Variants in NRXN1 observed in about 807,000 individuals in gnomAD.
The protein encoded by NRXN1 is neurexin 1.
NRXN1 carries 39 observed loss-of-function variants against 150.9 expected under a neutral mutation model. The observed-to-expected ratio is 0.26, with a 90% CI of 0.20 to 0.34. The LOEUF (loss-of-function observed/expected upper bound fraction) is 0.34, where lower values mean the gene tolerates loss of function less well. Ranked by LOEUF, NRXN1 falls within the 10% of genes least tolerant of loss-of-function variation. The probability of loss-of-function intolerance (pLI) is 1.00; values close to 1 mark genes in which losing one functional copy is unlikely to be tolerated. For missense variants in NRXN1, 1,815 were observed against 1,949.9 expected (o/e 0.93, Z 1.30); for synonymous variants, 924 against 757.0 (o/e 1.22, Z -3.62).
chr2:50,514,425 G>A lies in NRXN1; in HGVS notation c.2375-7808C>T, dbSNP rs375426985. ...TCCCATTTAGCTACTCATTTATTCT[G>A]GGTTCCATGGCACCCATATGCTATT... On this transcript the variant is annotated intron_variant, in intron 12 of 22. Coordinates refer to ENST00000401669, the MANE Select transcript of NRXN1 (RefSeq NM_001330078.2). Among the ~76,000 whole-genome samples, 121 of 152,134 alleles carry A rather than the reference G, an allele frequency of 8.0e-4. 1 individual carries two copies. The South Asian group carries it at 0.016, about 20-fold the overall frequency.
intron 5 of NRXN1, among the ~76,000 whole-genome samples, chr2:50,713,207 G>A (rs140331694): frequency 1.6e-3 from 242 of 151,926 alleles, no homozygotes; most frequent in African/African-American, 5.6e-3. Flanking sequence ...TCAGCTGCTT[G>A]TGAGGCTGAA....
At chr2:50,201,682 A>T (rs2062174612) in intron 18 of NRXN1, among the ~76,000 whole-genome samples, 1 of 152,218 alleles carries the variant, frequency 6.6e-6, no homozygotes, top group Non-Finnish European at 1.5e-5. Flanking sequence ...GGCTTAAAAC[A>T]ACCATACACA....
At chr2:50,050,474 A>G (rs1692542567) in intron 21 of NRXN1, among the ~76,000 whole-genome samples, 4 of 152,210 alleles carry the variant, frequency 2.6e-5, no homozygotes, top group Admixed American at 2.6e-4. Context: ...TTTGATTGAG[A>G]AAACAGTCCA....
intron 2 of NRXN1, among the ~76,000 whole-genome samples, chr2:50,964,198 G>A (rs1693679667): frequency 6.6e-6 from 1 of 151,534 alleles, no homozygotes; most frequent in East Asian, 1.9e-4. Context: ...AAACCTTTAT[G>A]CTGTTAATCA....
chr2:50,487,615 G>C (rs1037930484), intron 15 of NRXN1, among the ~76,000 whole-genome samples: 1 of 152,196 alleles, frequency 6.6e-6, no homozygotes, highest in Non-Finnish European at 1.5e-5. Flanking sequence ...CAACTTTCAA[G>C]TCTATTTCCA....
In NRXN1 at chr2:50,346,437, G is replaced by C. The variant is rs925962512; in HGVS notation, c.3365-109467C>G. On this transcript the variant is annotated intron_variant, in intron 17 of 22. Coordinates refer to ENST00000401669, the MANE Select transcript of NRXN1 (RefSeq NM_001330078.2). This position sits in a 1 kb window ranked among gnomAD's most constrained non-coding sequence, Gnocchi z 5.0. ...GCGACCAGGGCTGGTCCTTTAGTAG[G>C]TGTCCACATCTCTCTCCCAGTACCT... 5.9e-5 allele frequency among the ~76,000 whole-genome samples: 9 copies of C among 152,014 alleles called. No homozygotes were observed. The highest frequency in any genetic ancestry group is 2.2e-4 in the African/African-American group (9 of 41,400).
chr2:50,538,522 A>G lies in NRXN1; in HGVS notation c.1874T>C (p.Leu625Pro). 1 of 1,601,636 alleles carries G rather than the reference A, an allele frequency of 6.2e-7. No individual in the cohort carries two copies. Among genetic ancestry groups the G allele is most frequent in the Non-Finnish European group, 8.5e-7 (1 of 1,172,132 alleles). Residue 625 changes from leucine to proline, a missense_variant, in exon 10 of 23, where the codon CTT (leucine) becomes CCT (proline). By Grantham distance (98) the Leu-to-Pro change is moderately conservative. Transcript: ENST00000401669. ...AGTCCACACCTCGGTGGGGAAGACA[A>G]GGCCAGCTTTATTTTCTGGCAGCCC... Reference protein sequence around the residue: ...LGGLPENKAGLVFPTEVWTAL... With the variant: ...LGGLPENKAGPVFPTEVWTAL...
intron 5 of NRXN1, among the ~76,000 whole-genome samples, chr2:50,841,507 C>A (rs1025131052): frequency 2.6e-5 from 4 of 152,186 alleles, no homozygotes; most frequent in African/African-American, 9.7e-5. Context: ...CGTATGTGTG[C>A]ACATTTTGCC....
chr2:50,054,498 A>G (rs1302588125), intron 20 of NRXN1, among the ~76,000 whole-genome samples: 2 of 152,172 alleles, frequency 1.3e-5, no homozygotes, highest in East Asian at 3.9e-4. Flanking sequence ...CTTCATTATG[A>G]CTGGCAATTC....
intron 8 of NRXN1, among the ~76,000 whole-genome samples, chr2:50,566,116 A>C (rs1415768636): frequency 2.0e-5 from 3 of 152,194 alleles, no homozygotes; most frequent in African/African-American, 7.2e-5. Context: ...CTTCAGGCCT[A>C]GCCAACTTGG....
At chr2:50,748,065 C>G (rs1700200566) in intron 5 of NRXN1, among the ~76,000 whole-genome samples, 1 of 152,116 alleles carries the variant, frequency 6.6e-6, no homozygotes, top group African/African-American at 2.4e-5. Context: ...CCTTAGTATT[C>G]AAAACAACAT....
chr2:50,467,694 T>A (rs10205041), intron 16 of NRXN1, among the ~76,000 whole-genome samples: 91,244 of 150,978 alleles, frequency 0.6, 28,062 homozygotes, highest in Middle Eastern at 0.7. Flanking sequence ...TAACAATAAT[T>A]AAAACAAAAA....
chr2:50,922,714 G>C (rs1421360307), intron 3 of NRXN1, 27 bp from the exon 4 acceptor site: 2 of 1,608,424 alleles, frequency 1.2e-6, no homozygotes, highest in Non-Finnish European at 1.7e-6. Flanking sequence ...AGCACAGTCA[G>C]CAATAAACAA....
At chr2:50,846,099 G>A (rs1673613277) in intron 5 of NRXN1, among the ~76,000 whole-genome samples, 1 of 152,190 alleles carries the variant, frequency 6.6e-6, no homozygotes, top group African/African-American at 2.4e-5. Flanking sequence ...AGTAGAGGAG[G>A]TCTGTAGAAT....
chr2:50,052,169 T>C (rs1573621577), intron 21 of NRXN1, among the ~76,000 whole-genome samples: 1 of 152,210 alleles, frequency 6.6e-6, no homozygotes, highest in South Asian at 2.1e-4. Flanking sequence ...CCTTCCAAAC[T>C]GGATGCAGGT....
At chr2:50,182,624 C>T (rs1159239528) in intron 18 of NRXN1, among the ~76,000 whole-genome samples, 2 of 151,912 alleles carry the variant, frequency 1.3e-5, no homozygotes. Context: ...TTTAAGTGGC[C>T]CTGGTTGTCT....
At chr2:50,615,941 A>G (rs1389014652) in intron 8 of NRXN1, 1 of 152,226 alleles carries the variant, frequency 6.6e-6, no homozygotes, top group Non-Finnish European at 1.5e-5. Context: ...AAATAATATA[A>G]ACAAGTATTT....
chr2:50,427,378 AG>A (rs1171582551), intron 17 of NRXN1, among the ~76,000 whole-genome samples: 21 of 151,478 alleles, frequency 1.4e-4, no homozygotes, highest in Non-Finnish European at 2.7e-4. Flanking sequence ...AAAAAAAAAA[AG>A]CCCATAACAT....
chr2:50,184,037 C>T lies in NRXN1; in HGVS notation c.3546+52752G>A, dbSNP rs546794939. Among the ~76,000 whole-genome samples the T allele has an allele frequency of 1.1e-4, 17 of 152,066 alleles. 1 individual carries two copies. Among genetic ancestry groups the T allele is most frequent in the Middle Eastern group, 3.4e-3 (1 of 294 alleles). On this transcript the variant is annotated intron_variant, in intron 18 of 22. Transcript: ENST00000401669. Reference sequence around the variant, plus strand: ...TATTTCTATGTACAACATTTTGTAACTGTGCTATAAAAATAAATCTGTAAA... The same window carrying T: ...TATTTCTATGTACAACATTTTGTAATTGTGCTATAAAAATAAATCTGTAAA...
Sources: gnomAD v4.1 joint callset for allele counts (sites outside exome capture counted in the v4.1 genomes callset) on GRCh38, gnomAD v4.1.1 for gene constraint, Gnocchi (gnomAD v3.1) non-coding constraint, MANE v1.5 for transcripts, NCBI Gene and HGNC (gene_info 2026-07-23, HGNC 2026-07-21) for gene names.